Variants in ACACA observed in about 807,000 individuals in gnomAD.
The protein encoded by ACACA is acetyl-CoA carboxylase alpha.
A neutral mutation model predicts 296.1 loss-of-function variants in ACACA; 103 were observed. That is an observed-to-expected ratio of 0.35 (90% CI 0.30 to 0.41). The LOEUF (loss-of-function observed/expected upper bound fraction) is 0.41, where lower values mean the gene tolerates loss of function less well. Among genes scored for constraint, ACACA ranks in the 10% least tolerant of loss-of-function variants. The probability of loss-of-function intolerance (pLI) is 1.00; values close to 1 mark genes in which losing one functional copy is unlikely to be tolerated. For synonymous variants in ACACA, 953 were observed against 1,038.6 expected (o/e 0.92, Z 1.58); for missense variants, 1,554 against 2,989.7 (o/e 0.52, Z 11.20).
chr17:37,217,565 C>T (rs754668978), intron 29 of ACACA, among the ~76,000 whole-genome samples: 1 of 151,498 alleles, frequency 6.6e-6, no homozygotes, highest in African/African-American at 2.4e-5. Context: ...GAAACCCCGT[C>T]TCTATTAAAA....
At chr17:37,317,505 G>T (rs1435537256) in intron 3 of ACACA, among the ~76,000 whole-genome samples, 1 of 152,130 alleles carries the variant, frequency 6.6e-6, no homozygotes, top group African/African-American at 2.4e-5. Context: ...GGCGGAGGCA[G>T]TGAGCCAAGA....
chr17:37,212,270 T>G (rs1208021309), intron 29 of ACACA, among the ~76,000 whole-genome samples: 1 of 152,180 alleles, frequency 6.6e-6, no homozygotes, highest in Non-Finnish European at 1.5e-5. Flanking sequence ...TTTGGGAGTC[T>G]TCACAGGATG....
intron 41 of ACACA, among the ~76,000 whole-genome samples, chr17:37,167,425 T>A (rs1283129219): frequency 6.6e-6 from 1 of 151,622 alleles, no homozygotes; most frequent in Non-Finnish European, 1.5e-5. Flanking sequence ...TTCAAGTGAT[T>A]ATCCTGCCTC....
chr17:37,132,306 GAAACA>G (rs766063981), intron 45 of ACACA, among the ~76,000 whole-genome samples: 18 of 152,118 alleles, frequency 1.2e-4, no homozygotes, highest in Admixed American at 3.3e-4. Flanking sequence ...CATGCATCAG[GAAACA>G]AAACAGAACA....
rs75373825 is a variant in ACACA, at chr17:37,104,650, G to A, written c.6566-6666C>T. On this transcript the variant is annotated intron_variant, in intron 52 of 55. Coordinates refer to ENST00000616317, the MANE Select transcript of ACACA (RefSeq NM_198834.3). Reference sequence around the variant, plus strand: ...CACATTTCTCCTCCATGGTATCAAAGGTGAAGAGAGGCTGGACACGGTGGG... The same window carrying A: ...CACATTTCTCCTCCATGGTATCAAAAGTGAAGAGAGGCTGGACACGGTGGG... 1.1e-3 allele frequency among the ~76,000 whole-genome samples: 172 copies of A among 152,288 alleles called. 1 individual carries two copies. Among genetic ancestry groups the A allele is most frequent in the African/African-American group, 4.1e-3 (169 of 41,550 alleles).
intron 41 of ACACA, among the ~76,000 whole-genome samples, chr17:37,177,812 G>C (rs1339079244): frequency 1.3e-5 from 2 of 152,030 alleles, no homozygotes; most frequent in African/African-American, 4.8e-5. Context: ...TTCCACCCCA[G>C]TCCTCTTGAC....
At chr17:37,096,004 C>T (rs1334008216) in intron 54 of ACACA, among the ~76,000 whole-genome samples, 1 of 152,126 alleles carries the variant, frequency 6.6e-6, no homozygotes, top group Non-Finnish European at 1.5e-5. Context: ...TCTGTGAGAT[C>T]ACCCCAAGAA....
chr17:37,174,013 TA>T (rs1169828919), intron 41 of ACACA, among the ~76,000 whole-genome samples: 130 of 19,160 alleles, frequency 6.8e-3, no homozygotes, highest in East Asian at 0.015. Context: ...TATATATATA[TA>T]TATATATTTT....
At chr17:37,210,404 G>T (rs1476439533) in intron 30 of ACACA, 63 bp downstream of exon 30, 29 of 1,476,608 alleles carry the variant, frequency 2.0e-5, no homozygotes, top group African/African-American at 9.8e-5. Flanking sequence ...TTTTTTCCTG[G>T]TTTCACTATT....
chr17:37,247,539 G>A (rs2080773244), intron 18 of ACACA, among the ~76,000 whole-genome samples: 2 of 152,018 alleles, frequency 1.3e-5, no homozygotes, highest in African/African-American at 4.8e-5. Flanking sequence ...GGTTAATTTT[G>A]TATTTTTAGT....
At chr17:37,299,474 A>G (rs753430795) in intron 3 of ACACA, 10 of 1,537,242 alleles carry the variant, frequency 6.5e-6, no homozygotes, top group Non-Finnish European at 8.7e-6. Context: ...CAGTCAGACT[A>G]GAATACTCCT....
intron 3 of ACACA, among the ~76,000 whole-genome samples, chr17:37,305,941 T>C (rs1371365830): frequency 2.0e-5 from 3 of 149,566 alleles, no homozygotes; most frequent in Non-Finnish European, 4.5e-5. Flanking sequence ...CGGAGTCTTG[T>C]TCTGTCGCCC....
At chr17:37,099,515 A>G (rs1276856962) in intron 52 of ACACA, among the ~76,000 whole-genome samples, 164 of 91,616 alleles carry the variant, frequency 1.8e-3, no homozygotes, top group Admixed American at 2.7e-3. Context: ...GGCTGATAGC[A>G]GGAGGGCTGA....
At position 37,087,308 on chromosome 17, in the gene ACACA, A is replaced by G. The variant is rs372217087; in HGVS notation, c.*8T>C. 2 of 1,614,016 alleles carry G rather than the reference A, an allele frequency of 1.2e-6. No homozygotes were observed. The highest frequency in any genetic ancestry group is 2.7e-5 in the African/African-American group (2 of 74,926). ...AGAGACAGGGCAGGGACAGGCAGGA[A>G]GCTCTTCCTACGTGGAAGGGGAATC... On this transcript the variant is annotated 3_prime_UTR_variant, in exon 56 of 56. Transcript: ENST00000616317.
intron 1 of ACACA, among the ~76,000 whole-genome samples, chr17:37,405,411 T>C (rs1236976860): frequency 3.3e-5 from 5 of 152,208 alleles, no homozygotes; most frequent in Non-Finnish European, 4.4e-5. Flanking sequence ...CACTAAACAT[T>C]TGTTGAATTA....
At chr17:37,359,736 T>C (rs1482632560) in intron 1 of ACACA, among the ~76,000 whole-genome samples, 1 of 152,142 alleles carries the variant, frequency 6.6e-6, no homozygotes, top group Non-Finnish European at 1.5e-5. Context: ...TCGCGTCCAC[T>C]ACCTGTCCTC....
At chr17:37,278,079 G>T (rs1272273586) in intron 5 of ACACA, 74 bp from the exon 6 acceptor site, 1 of 1,099,706 alleles carries the variant, frequency 9.1e-7, no homozygotes, top group Non-Finnish European at 1.4e-6. Context: ...GCAAAACTAC[G>T]TAAAGGTCAG....
chr17:37,284,706 C>T (rs2082691212), intron 4 of ACACA, 132 bp downstream of exon 4: 1 of 1,206,282 alleles, frequency 8.3e-7, no homozygotes. Flanking sequence ...GGCAGAAAGG[C>T]TAAAATTCAC....
chr17:37,260,280 ATATATATATATATATATTTTTTTTTT>A (rs2081421667), intron 11 of ACACA, among the ~76,000 whole-genome samples: 1 of 32,420 alleles, frequency 3.1e-5, no homozygotes, highest in African/African-American at 1.9e-4. Flanking sequence ...ATATATATAT[ATATATATATATATATATTTTTTTTTT>A]TTTTTTTTTT....
Sources: allele counts gnomAD v4.1 joint callset (sites outside exome capture counted in the v4.1 genomes callset), GRCh38; gene constraint gnomAD v4.1.1; transcripts MANE v1.5; gene names NCBI Gene and HGNC (gene_info 2026-07-23, HGNC 2026-07-21).